Variants in SPRED2 observed in about 807,000 individuals in gnomAD.
SPRED2 encodes the protein sprouty-related, EVH1 domain-containing protein 2.
SPRED2 carries 47 observed loss-of-function variants against 43.0 expected under a neutral mutation model. The ratio of observed to expected loss-of-function variants is 1.09; its 90% CI spans 0.87 to 1.40. The LOEUF is 1.40. Among genes scored for constraint, SPRED2 ranks in the 40% most tolerant of loss-of-function variants. SPRED2 has a pLI of 0.00. For missense variants in SPRED2, 561 were observed against 586.4 expected (o/e 0.96, Z 0.45); for synonymous variants, 225 against 225.7 (o/e 1.00, Z 0.03).
At chr2:65,382,301 TACG>T (rs1373146197) in intron 1 of SPRED2, among the ~76,000 whole-genome samples, 3 of 151,680 alleles carry the variant, frequency 2.0e-5, no homozygotes, top group Admixed American at 6.6e-5. Flanking sequence ...GGAAGAAGGC[TACG>T]AAGAAGAAGA....
At chr2:65,430,476 G>C (rs1676650766) in intron 1 of SPRED2, among the ~76,000 whole-genome samples, 1 of 152,226 alleles carries the variant, frequency 6.6e-6, no homozygotes, top group South Asian at 2.1e-4. Flanking sequence ...AAAGGATAAA[G>C]GGGGTATATT....
At position 65,314,034 on chromosome 2, in the gene SPRED2, C is replaced by G. The variant is rs1673161489; in HGVS notation, c.724G>C (p.Asp242His). Reference protein sequence around the residue: ...RHAPVRGKYPDPSEDADSSYV... With the variant: ...RHAPVRGKYPHPSEDADSSYV... ...GAGGAGTCCGCGTCCTCCGAGGGGT[C>G]CGGGTACTTGCCCCTGACGGGTGCG... The change falls in exon 6 of 6, where the codon GAC becomes CAC. Residue 242 changes from aspartate to histidine, a missense_variant. Asp to His is a moderately conservative substitution (Grantham distance 81). Around this residue, in one of 6 missense-constraint regions of SPRED2, gnomAD observed 164 missense variants for 164.1 expected, o/e 1.00. Coordinates refer to ENST00000356388, the MANE Select transcript of SPRED2 (RefSeq NM_181784.3). The G allele has an allele frequency of 2.5e-6, 4 of 1,613,986 alleles. No individual in the cohort carries two copies. The highest frequency in any genetic ancestry group is 2.5e-6 in the Non-Finnish European group (3 of 1,180,028).
At chr2:65,417,114 C>A (rs534595130) in intron 1 of SPRED2, among the ~76,000 whole-genome samples, 1 of 152,126 alleles carries the variant, frequency 6.6e-6, no homozygotes, top group Non-Finnish European at 1.5e-5. Context: ...CACCTCCCCC[C>A]ACCCCAGGAG....
At chr2:65,401,926 A>ATC (rs1675898676) in intron 1 of SPRED2, among the ~76,000 whole-genome samples, 1 of 121,926 alleles carries the variant, frequency 8.2e-6, no homozygotes, top group African/African-American at 3.9e-5. Flanking sequence ...TCAGAATATT[A>ATC]GCGCGCGCGC....
chr2:65,375,488 G>T (rs1015018515), intron 1 of SPRED2, among the ~76,000 whole-genome samples: 4 of 152,180 alleles, frequency 2.6e-5, no homozygotes, highest in African/African-American at 7.2e-5. Context: ...AGGGCCAAAG[G>T]AGGAGGGCTT....
At chr2:65,431,413 C>A (rs1405815160) in intron 1 of SPRED2, among the ~76,000 whole-genome samples, 1 of 151,814 alleles carries the variant, frequency 6.6e-6, no homozygotes, top group Non-Finnish European at 1.5e-5. Flanking sequence ...GCACCAGACC[C>A]CCGCGCAGCC....
intron 1 of SPRED2, chr2:65,377,961 A>T (rs1361194830): frequency 1.1e-5 from 3 of 261,722 alleles, no homozygotes; most frequent in Non-Finnish European, 2.3e-5. Flanking sequence ...AGGCAGAAGC[A>T]GAGCACAGAA....
intron 4 of SPRED2, among the ~76,000 whole-genome samples, chr2:65,327,939 G>C (rs556775633): frequency 2.8e-4 from 42 of 151,900 alleles, no homozygotes; most frequent in African/African-American, 8.7e-4. Context: ...GGCCAGGCTG[G>C]TCTTGAATTG....
At chr2:65,410,678 G>A (rs1271559434) in intron 1 of SPRED2, among the ~76,000 whole-genome samples, 2 of 151,018 alleles carry the variant, frequency 1.3e-5, no homozygotes, top group Non-Finnish European at 2.9e-5. Context: ...AGAATGGCGT[G>A]AACCCGCGAG....
At chr2:65,388,739 A>G (rs546617652) in intron 1 of SPRED2, among the ~76,000 whole-genome samples, 1 of 152,270 alleles carries the variant, frequency 6.6e-6, no homozygotes, top group African/African-American at 2.4e-5. Context: ...CACCCCAACT[A>G]AAAACACTAC....
At chr2:65,391,595 G>T (rs36044502) in intron 1 of SPRED2, among the ~76,000 whole-genome samples, 16,703 of 152,194 alleles carry the variant, frequency 0.11, 1,368 homozygotes, top group Non-Finnish European at 0.16. Context: ...CTTAACCATT[G>T]TAATAGGTTC....
chr2:65,341,001 G>C (rs528430131), intron 2 of SPRED2, among the ~76,000 whole-genome samples: 1 of 151,146 alleles, frequency 6.6e-6, no homozygotes, highest in East Asian at 2.0e-4. Flanking sequence ...AGAAGCTTGA[G>C]AGGCCAAAGG....
chr2:65,370,462 T>C (rs1306637840), intron 1 of SPRED2, among the ~76,000 whole-genome samples: 1 of 152,200 alleles, frequency 6.6e-6, no homozygotes, highest in African/African-American at 2.4e-5. Context: ...TGAGCAGCTG[T>C]GACAGAAACC....
At chr2:65,322,235 TCTCTCTC>T (rs1490377699) in intron 4 of SPRED2, among the ~76,000 whole-genome samples, 7 of 21,086 alleles carry the variant, frequency 3.3e-4, no homozygotes, top group Admixed American at 2.5e-3. Flanking sequence ...CTTTCCTCTC[TCTCTCTC>T]TCTCTCTCTC....
intron 1 of SPRED2, among the ~76,000 whole-genome samples, chr2:65,351,039 A>G (rs540569788): frequency 3.7e-4 from 57 of 152,332 alleles, no homozygotes; most frequent in Middle Eastern, 3.4e-3. Flanking sequence ...AGTTGTAACC[A>G]TCATCATTTT....
chr2:65,345,003 C>T (rs879636882), intron 1 of SPRED2, 107 bp from the exon 2 acceptor site: 8 of 1,115,092 alleles, frequency 7.2e-6, no homozygotes, highest in East Asian at 2.6e-5. Context: ...TTTGTTTTAT[C>T]GAAAGAAATC....
intron 1 of SPRED2, among the ~76,000 whole-genome samples, chr2:65,369,040 A>G (rs1316798176): frequency 6.6e-6 from 1 of 152,050 alleles, no homozygotes; most frequent in East Asian, 1.9e-4. Context: ...GCACCACCGC[A>G]CTCCAGCCTG....
At chr2:65,431,512 G>A (rs1039464990) in intron 1 of SPRED2, among the ~76,000 whole-genome samples, 22 of 152,362 alleles carry the variant, frequency 1.4e-4, no homozygotes, top group Non-Finnish European at 3.1e-4. Context: ...CGAAATGGCG[G>A]AGCCTAGGCC....
At chr2:65,326,969 T>A (rs569927347) in intron 4 of SPRED2, among the ~76,000 whole-genome samples, 25 of 152,166 alleles carry the variant, frequency 1.6e-4, no homozygotes, top group African/African-American at 6.0e-4. Context: ...GCCTCCCAAG[T>A]AGCTGGGACC....
Sources: allele counts gnomAD v4.1 joint callset (sites outside exome capture counted in the v4.1 genomes callset), GRCh38; gene constraint gnomAD v4.1.1; regional missense constraint gnomAD v4.1.1; transcripts MANE v1.5; gene names NCBI Gene and HGNC (gene_info 2026-07-23, HGNC 2026-07-21).